The following NUSAP1 variants were observed in gnomAD, a reference collection of about 807,000 sequenced individuals.
The protein encoded by NUSAP1 is nucleolar and spindle-associated protein 1.
Under a neutral mutation model 52.8 loss-of-function variants are expected in NUSAP1, and 32 were observed. The ratio of observed to expected loss-of-function variants is 0.61; its 90% CI spans 0.46 to 0.81. The LOEUF (loss-of-function observed/expected upper bound fraction) is 0.81, where lower values mean the gene tolerates loss of function less well. Ranked by LOEUF, NUSAP1 falls within the 40% of genes least tolerant of loss-of-function variation. The pLI is 0.00. For synonymous variants in NUSAP1, 195 were observed against 183.1 expected (o/e 1.06, Z -0.52); for missense variants, 499 against 522.3 (o/e 0.96, Z 0.43).
chr15:41,360,682 C>T (rs1032130698), intron 6 of NUSAP1, among the ~76,000 whole-genome samples: 2 of 152,042 alleles, frequency 1.3e-5, no homozygotes, highest in African/African-American at 4.8e-5. Flanking sequence ...GTCTCGATCT[C>T]CTGACTTCAG....
Position 41,356,036 on chromosome 15 carries a change from T to A in NUSAP1, c.449-3T>A, listed in dbSNP as rs751588956. On this transcript the variant is annotated splice_region_variant and splice_polypyrimidine_tract_variant and intron_variant, in intron 4 of 10. Coordinates refer to ENST00000559596, the MANE Select transcript of NUSAP1 (RefSeq NM_016359.5). Reference sequence around the variant, plus strand: ...TTCATTATTTCTGTGTCTTTGGATTTAGGTAACAGAGATTCAAAGGTACCT... The same window carrying A: ...TTCATTATTTCTGTGTCTTTGGATTAAGGTAACAGAGATTCAAAGGTACCT... The A allele has an allele frequency of 1.3e-6, 2 of 1,559,526 alleles. No individual in the cohort carries two copies. The highest frequency in any genetic ancestry group is 1.8e-6 in the Non-Finnish European group (2 of 1,136,084).
At chr15:41,378,494 T>TTA (rs2050064638) in intron 10 of NUSAP1, among the ~76,000 whole-genome samples, 1 of 152,086 alleles carries the variant, frequency 6.6e-6, no homozygotes, top group Non-Finnish European at 1.5e-5. Context: ...TTGCTCACCG[T>TTA]TATTAAGTTG....
At chr15:41,364,718 A>G (rs1468707843) in intron 6 of NUSAP1, among the ~76,000 whole-genome samples, 1 of 151,908 alleles carries the variant, frequency 6.6e-6, no homozygotes, top group Non-Finnish European at 1.5e-5. Context: ...AAATACAAAA[A>G]TTAGCTGGGC....
In NUSAP1 at chr15:41,335,531, A is replaced by T. The variant is rs2048088667; in HGVS notation, c.93+2481A>T. On this transcript the variant is annotated intron_variant, in intron 1 of 10. Coordinates refer to ENST00000559596, the MANE Select transcript of NUSAP1 (RefSeq NM_016359.5). ...TATAGATATACTATATACTAAATAT[A>T]CTATATATACTAATATGTATACTAA... is the stretch of plus-strand genomic sequence containing the variant. 2.2e-5 allele frequency among the ~76,000 whole-genome samples: 3 copies of T among 138,026 alleles called. No homozygotes were observed. The Admixed American group carries it at 2.2e-4, about 10-fold the overall frequency. 90.6% of individuals were successfully genotyped at this position (138,026 alleles called of 152,430 possible). A position where few individuals can be genotyped will look rare whatever the true frequency, so the allele number is the denominator to read the frequency against.
intron 7 of NUSAP1, among the ~76,000 whole-genome samples, chr15:41,368,307 C>T (rs1207239130): frequency 6.6e-6 from 1 of 152,116 alleles, no homozygotes; most frequent in Non-Finnish European, 1.5e-5. Flanking sequence ...CATAAACCAC[C>T]ATGCCCAGTC....
chr15:41,337,139 C>G (rs2048187283), intron 1 of NUSAP1, among the ~76,000 whole-genome samples: 1 of 151,858 alleles, frequency 6.6e-6, no homozygotes, highest in South Asian at 2.1e-4. Flanking sequence ...ACCGCAGCCC[C>G]CTGAGTAGCT....
chr15:41,335,860 A>C (rs941056552), intron 1 of NUSAP1, among the ~76,000 whole-genome samples: 9 of 148,648 alleles, frequency 6.1e-5, no homozygotes, highest in African/African-American at 2.0e-4. Context: ...TACTAAATAT[A>C]CTATATTTTT....
At chr15:41,368,728 C>CTTTTTTTTTTTTTTT (rs57501156) in intron 7 of NUSAP1, among the ~76,000 whole-genome samples, 3 of 77,942 alleles carry the variant, frequency 3.8e-5, no homozygotes, top group African/African-American at 1.1e-4. Flanking sequence ...TTATTTTATT[C>CTTTTTTTTTTTTTTT]TTTTTTTTTT....
At chr15:41,357,140 G>A (rs917059946) in intron 5 of NUSAP1, among the ~76,000 whole-genome samples, 12 of 152,156 alleles carry the variant, frequency 7.9e-5, no homozygotes, top group Non-Finnish European at 1.3e-4. Context: ...GGCCCAGGGG[G>A]CTGGATCACC....
At chr15:41,339,580 T>C (rs2032046258) in intron 1 of NUSAP1, among the ~76,000 whole-genome samples, 1 of 151,758 alleles carries the variant, frequency 6.6e-6, no homozygotes, top group African/African-American at 2.4e-5. Context: ...CCAGCTAATT[T>C]TGTATTTTTA....
Position 41,355,616 on chromosome 15 carries a change from CAG to C in NUSAP1, c.449-420_449-419del, listed in dbSNP as rs1231643527. On this transcript the variant is annotated intron_variant, in intron 4 of 10. Transcript: ENST00000559596. ...TGTGCTGTTTCTACCACCATCTTGACAGAGCCTACCATGTGAAAATACTCTGT... is the reference window on the plus strand; with the variant it reads ...TGTGCTGTTTCTACCACCATCTTGACAGCCTACCATGTGAAAATACTCTGT... 5.9e-5 allele frequency among the ~76,000 whole-genome samples: 9 copies of C among 152,092 alleles called. No individual in the cohort carries two copies. In the East Asian group the frequency reaches 1.7e-3, roughly 29 times the overall value.
chr15:41,375,421 C>G (rs1171049677), intron 8 of NUSAP1, among the ~76,000 whole-genome samples: 1 of 147,612 alleles, frequency 6.8e-6, no homozygotes, highest in Non-Finnish European at 1.5e-5. Flanking sequence ...GGTGATCCAC[C>G]CGACTCGGCC....
At chr15:41,359,452 A>G (rs888935650) in intron 6 of NUSAP1, among the ~76,000 whole-genome samples, 4 of 152,152 alleles carry the variant, frequency 2.6e-5, no homozygotes, top group Non-Finnish European at 4.4e-5. Context: ...AGTATTTACT[A>G]CCATCAGTCA....
At chr15:41,377,381 T>C in intron 10 of NUSAP1, 77 bp downstream of exon 10, 1 of 749,082 alleles carries the variant, frequency 1.3e-6, no homozygotes, top group Non-Finnish European at 2.1e-6. Flanking sequence ...GGCTCAGTAA[T>C]AGTGGTGTTT....
In NUSAP1 at chr15:41,371,667, C is replaced by T. The variant is rs771583529; in HGVS notation, c.989C>T (p.Thr330Met). 32 of 1,579,796 alleles carry T rather than the reference C, an allele frequency of 2.0e-5. No homozygotes were observed. The highest frequency in any genetic ancestry group is 4.5e-5 in the East Asian group (2 of 44,176). The change falls in exon 8 of 11, where the codon ACG (threonine) becomes ATG (methionine). Residue 330 changes from threonine (T) to methionine (M), a missense_variant. Transcript: ENST00000559596. ...VLGTHKLKTI[T>M]GNSAAVITPF... ...GGGACACACAAATTAAAGACCATCACGGGGAATTCTGCTGCTGGTAAAAAA... is the reference window on the plus strand; with the variant it reads ...GGGACACACAAATTAAAGACCATCATGGGGAATTCTGCTGCTGGTAAAAAA...
At chr15:41,360,952 G>GC (rs894971418) in intron 6 of NUSAP1, among the ~76,000 whole-genome samples, 1 of 152,046 alleles carries the variant, frequency 6.6e-6, no homozygotes, top group Non-Finnish European at 1.5e-5. Context: ...AAATTACCTG[G>GC]CCATGGTGGT....
In NUSAP1 at chr15:41,370,107, C is replaced by T. The variant is rs191061873; in HGVS notation, c.849-1420C>T. On this transcript the variant is annotated intron_variant, in intron 7 of 10. Transcript: ENST00000559596. ...AAGAAAGAAAGACAAATCAGCCAGG[C>T]GCGGTGGCTCACGCCTGTAATCCCA... 4.6e-3 allele frequency among the ~76,000 whole-genome samples: 694 copies of T among 151,734 alleles called. 2 individuals carry two copies. Among genetic ancestry groups the T allele is most frequent in the Non-Finnish European group, 7.8e-3 (529 of 67,916 alleles).
At chr15:41,373,460 T>C (rs1331953438) in intron 8 of NUSAP1, among the ~76,000 whole-genome samples, 1 of 149,786 alleles carries the variant, frequency 6.7e-6, no homozygotes, top group Non-Finnish European at 1.5e-5. Context: ...TTTTTTTTTT[T>C]TTTTTTTGAG....
Position 41,346,632 on chromosome 15 carries a change from T to C in NUSAP1, c.163-2466T>C, listed in dbSNP as rs1026704314. Among the ~76,000 whole-genome samples the C allele has an allele frequency of 1.1e-4, 16 of 150,758 alleles. No homozygotes were observed. In the Admixed American group the frequency reaches 1.1e-3, roughly 10 times the overall value. On this transcript the variant is annotated intron_variant, in intron 2 of 10. Transcript: ENST00000559596. ...TCACGAGGTCAAGAGATCAAAACCA[T>C]CCTGGCCAAAATGGTGAAACCCCAT... is the stretch of plus-strand genomic sequence containing the variant.
Sources: allele counts gnomAD v4.1 joint callset (sites outside exome capture counted in the v4.1 genomes callset), GRCh38; gene constraint gnomAD v4.1.1; transcripts MANE v1.5; gene names NCBI Gene and HGNC (gene_info 2026-07-23, HGNC 2026-07-21).